Variants in CTNNA3 observed in about 807,000 individuals in gnomAD.
The protein encoded by CTNNA3 is catenin alpha 3, also known as catenin alpha-3.
Under a neutral mutation model 95.7 loss-of-function variants are expected in CTNNA3, and 76 were observed. The observed-to-expected ratio is 0.79, with a 90% confidence interval of 0.66 to 0.96. CTNNA3 has a LOEUF of 0.96. CTNNA3 is among the 40% of genes least tolerant of loss of function. The pLI, the probability that CTNNA3 is intolerant of heterozygous loss-of-function variation, is 0.00. For synonymous variants in CTNNA3, 431 were observed against 374.4 expected, an observed-to-expected ratio of 1.15 and a Z score of -1.74; for missense variants, 1,191 against 1,089.8, an observed-to-expected ratio of 1.09 and a Z score of -1.31.
At chr10:66,148,430 G>A (rs1402030594) in intron 13 of CTNNA3, among the ~76,000 whole-genome samples, 2 of 152,048 alleles carry the variant, frequency 1.3e-5, no homozygotes, top group Non-Finnish European at 2.9e-5. Flanking sequence ...CCATGGTGTT[G>A]GTATGAATAG....
At chr10:67,019,495 G>A (rs1446978257) in intron 7 of CTNNA3, among the ~76,000 whole-genome samples, 3 of 152,204 alleles carry the variant, frequency 2.0e-5, no homozygotes, top group African/African-American at 7.2e-5. Context: ...TAGGATTACA[G>A]GCATGAGCCA....
chr10:66,927,017 G>A lies in CTNNA3; in HGVS notation c.1048-151493C>T. The A allele has an allele frequency of 6.2e-7, 1 of 1,614,142 alleles. No homozygotes were observed. Among genetic ancestry groups the A allele is most frequent in the Non-Finnish European group, 8.5e-7 (1 of 1,180,034 alleles). The stretch of plus-strand genomic sequence containing the variant: ...ATGCTTTCTTCTGCCGAACGAGGAT[G>A]CCCTAAGGGCTGTAGGTGTGAAGGC... On this transcript the variant is annotated intron_variant, in intron 7 of 17. Coordinates refer to ENST00000433211, the MANE Select transcript of CTNNA3 (RefSeq NM_013266.4). The surrounding 1 kb of genome is among the most constrained non-coding windows in gnomAD (Gnocchi z 4.7).
chr10:67,589,768 C>A (rs550107096), intron 3 of CTNNA3, among the ~76,000 whole-genome samples: 4 of 152,108 alleles, frequency 2.6e-5, no homozygotes, highest in Non-Finnish European at 5.9e-5. Context: ...GAGAACCTTA[C>A]CCTCTGTGGG....
intron 5 of CTNNA3, among the ~76,000 whole-genome samples, chr10:67,360,738 A>G (rs1016124388): frequency 1.3e-5 from 2 of 152,076 alleles, no homozygotes; most frequent in African/African-American, 4.8e-5. Flanking sequence ...GAGGTGCTAC[A>G]TACTTTTAAA....
chr10:65,914,509 C>T lies in CTNNA3; in HGVS notation c.*5821G>A, dbSNP rs999286978. ...CCTGTATTCAGGCACATACTATGCACACGTGTGACCTCCATAAAGAAGGAA... is the reference window on the plus strand; with the variant it reads ...CCTGTATTCAGGCACATACTATGCATACGTGTGACCTCCATAAAGAAGGAA... On this transcript the variant is annotated 3_prime_UTR_variant, in exon 18 of 18. Coordinates refer to ENST00000433211, the MANE Select transcript of CTNNA3 (RefSeq NM_013266.4). The T allele has an allele frequency of 6.6e-6, 1 of 152,130 alleles. No individual in the cohort carries two copies. Among genetic ancestry groups the T allele is most frequent in the African/African-American group, 2.4e-5 (1 of 41,426 alleles). The allele number at this position is 152,130 out of a possible 1,614,324, so 9.4% of individuals were successfully genotyped here. A position where few individuals can be genotyped will look rare whatever the true frequency, so the allele number is the denominator to read the frequency against.
At chr10:66,277,342 C>T (rs2132149253) in intron 13 of CTNNA3, among the ~76,000 whole-genome samples, 1 of 152,100 alleles carries the variant, frequency 6.6e-6, no homozygotes, top group Middle Eastern at 3.4e-3. Flanking sequence ...TACAAATATC[C>T]TCAATAGCAT....
At chr10:66,846,786 G>T (rs1162120623) in intron 7 of CTNNA3, among the ~76,000 whole-genome samples, 1 of 152,150 alleles carries the variant, frequency 6.6e-6, no homozygotes, top group African/African-American at 2.4e-5. Context: ...ATAGCCATTT[G>T]TAGTATCTGT....
chr10:67,441,356 A>G (rs1301015741), intron 5 of CTNNA3, among the ~76,000 whole-genome samples: 1 of 152,148 alleles, frequency 6.6e-6, no homozygotes, highest in Admixed American at 6.5e-5. Flanking sequence ...ATTGGTCTTA[A>G]AGAGGAGGTA....
At chr10:66,077,240 T>G (rs1485228147) in intron 14 of CTNNA3, among the ~76,000 whole-genome samples, 4 of 151,812 alleles carry the variant, frequency 2.6e-5, no homozygotes, top group Non-Finnish European at 4.4e-5. Context: ...GGTTAAACTG[T>G]TATTTCTAGG....
At chr10:67,399,936 T>C (rs566930041) in intron 5 of CTNNA3, among the ~76,000 whole-genome samples, 23 of 152,298 alleles carry the variant, frequency 1.5e-4, no homozygotes, top group African/African-American at 5.5e-4. Context: ...TTTTTTATTA[T>C]ACTTTAAGTT....
At chr10:67,725,079 G>A (rs1167858489) in intron 1 of CTNNA3, among the ~76,000 whole-genome samples, 1 of 151,734 alleles carries the variant, frequency 6.6e-6, no homozygotes, top group African/African-American at 2.4e-5. Flanking sequence ...TACTTTCTCA[G>A]GGTATACACT....
At chr10:66,398,358 T>G (rs2132550845) in intron 11 of CTNNA3, among the ~76,000 whole-genome samples, 1 of 152,010 alleles carries the variant, frequency 6.6e-6, no homozygotes, top group African/African-American at 2.4e-5. Context: ...ATACAGAAAC[T>G]TGGAAAGTGA....
chr10:66,695,332 A>G lies in CTNNA3; in HGVS notation c.1281+70932T>C, dbSNP rs147998428. Among the ~76,000 whole-genome samples the G allele has an allele frequency of 6.3e-3, 962 of 152,292 alleles. 4 individuals carry two copies. The highest frequency in any genetic ancestry group is 0.01 in the Non-Finnish European group (691 of 68,020). On this transcript the variant is annotated intron_variant, in intron 9 of 17. Coordinates refer to ENST00000433211, the MANE Select transcript of CTNNA3 (RefSeq NM_013266.4). ...GTCAGGCAAATCTGGGCTCTGCTCA[A>G]TAGGAAGTATTTGTTTCTTTGGGCA...
At chr10:66,610,665 T>C (rs1844296667) in intron 10 of CTNNA3, among the ~76,000 whole-genome samples, 1 of 152,142 alleles carries the variant, frequency 6.6e-6, no homozygotes, top group Non-Finnish European at 1.5e-5. Context: ...GGAATGCTCA[T>C]ACATTGTTGG....
chr10:67,417,451 T>G (rs1845585718), intron 5 of CTNNA3, among the ~76,000 whole-genome samples: 1 of 152,044 alleles, frequency 6.6e-6, no homozygotes, highest in South Asian at 2.1e-4. Context: ...CAAGTTGAAA[T>G]TAAATAATAA....
intron 12 of CTNNA3, among the ~76,000 whole-genome samples, chr10:66,294,724 G>T (rs10762051): frequency 0.3 from 45,687 of 151,882 alleles, 7,763 homozygotes; most frequent in African/African-American, 0.45. Context: ...ATTCCAAGAT[G>T]ACTAAGGTAT....
At chr10:67,192,651 T>G (rs1168484684) in intron 6 of CTNNA3, among the ~76,000 whole-genome samples, 1 of 151,884 alleles carries the variant, frequency 6.6e-6, no homozygotes, top group Admixed American at 6.6e-5. Flanking sequence ...ACACTGCTGG[T>G]GGGAATGTAA....
At chr10:67,552,579 G>A (rs1016688489) in intron 3 of CTNNA3, among the ~76,000 whole-genome samples, 2 of 151,746 alleles carry the variant, frequency 1.3e-5, no homozygotes, top group Non-Finnish European at 2.9e-5. Context: ...AGGTAAATGT[G>A]TACCATGGTG....
chr10:66,066,090 C>A (rs187957830), intron 15 of CTNNA3, among the ~76,000 whole-genome samples: 1 of 151,994 alleles, frequency 6.6e-6, no homozygotes, highest in East Asian at 1.9e-4. Context: ...CTCGAACTCC[C>A]AACCTCTGGT....
Sources: gnomAD v4.1 joint callset for allele counts (sites outside exome capture counted in the v4.1 genomes callset) on GRCh38, gnomAD v4.1.1 for gene constraint, Gnocchi (gnomAD v3.1) non-coding constraint, MANE v1.5 for transcripts, NCBI Gene and HGNC (gene_info 2026-07-23, HGNC 2026-07-21) for gene names.